The following MTSS1 variants were observed in gnomAD, a reference collection of about 807,000 sequenced individuals.
MTSS1 encodes the protein MTSS I-BAR domain containing 1.
Under a neutral mutation model 79.0 loss-of-function variants are expected in MTSS1, and 18 were observed. The ratio of observed to expected loss-of-function variants is 0.23; its 90% CI spans 0.16 to 0.34. MTSS1 has a LOEUF of 0.34. Among genes scored for constraint, MTSS1 ranks in the 10% least tolerant of loss-of-function variants. MTSS1 has a pLI of 1.00. For synonymous variants in MTSS1, 341 were observed against 368.6 expected (o/e 0.93, Z 0.86); for missense variants, 815 against 986.2 (o/e 0.83, Z 2.33).
chr8:124,724,481 C>A (rs942565699), intron 1 of MTSS1, among the ~76,000 whole-genome samples: 1 of 152,184 alleles, frequency 6.6e-6, no homozygotes. Context: ...ATTCTATACT[C>A]CTAACCTCGT....
chr8:124,552,935 C>CAA lies in MTSS1; in HGVS notation c.*55_*56dup. 1 of 1,541,256 alleles carries CAA rather than the reference C, an allele frequency of 6.5e-7. No homozygotes were observed. The highest frequency in any genetic ancestry group is 8.9e-7 in the Non-Finnish European group (1 of 1,128,840). ...TATTATAGAGTGGAATGGATCAAGACAAATTAGGTTTTATTAATGAAACAG... is the reference window on the plus strand; with the variant it reads ...TATTATAGAGTGGAATGGATCAAGACAAAAATTAGGTTTTATTAATGAAACAG... On this transcript the variant is annotated 3_prime_UTR_variant, in exon 14 of 14. Transcript: ENST00000518547.
chr8:124,561,206 C>T (rs900625565), intron 10 of MTSS1, among the ~76,000 whole-genome samples: 19 of 152,154 alleles, frequency 1.2e-4, no homozygotes, highest in African/African-American at 4.6e-4. Context: ...CCGAGGTGGG[C>T]GGATCACCTG....
chr8:124,581,580 C>T (rs1417049522), intron 6 of MTSS1, among the ~76,000 whole-genome samples: 3 of 151,798 alleles, frequency 2.0e-5, no homozygotes, highest in African/African-American at 7.3e-5. Flanking sequence ...CTCAGCCTCC[C>T]GAGTAGCTGG....
At chr8:124,559,067 G>A (rs148695742) in intron 10 of MTSS1, among the ~76,000 whole-genome samples, 135 of 152,266 alleles carry the variant, frequency 8.9e-4, no homozygotes, top group Non-Finnish European at 1.6e-3. Flanking sequence ...AGAAGCGTGC[G>A]ACCCGGCCAG....
At chr8:124,568,688 G>T (rs766117979) in intron 6 of MTSS1, 152 bp from the exon 7 acceptor site, 1 of 1,468,578 alleles carries the variant, frequency 6.8e-7, no homozygotes. Flanking sequence ...ATTTAAGGCA[G>T]CTGTTTTTCT....
chr8:124,623,872 G>A (rs1173893496), intron 3 of MTSS1, among the ~76,000 whole-genome samples: 1 of 152,212 alleles, frequency 6.6e-6, no homozygotes. Context: ...TCAAACTCCT[G>A]ACCTCCGGTG....
chr8:124,568,064 G>T, intron 7 of MTSS1: 1 of 953,932 alleles, frequency 1.0e-6, no homozygotes, highest in African/African-American at 1.7e-5. Flanking sequence ...GTCTGGGTTG[G>T]GCCCAAGAAC....
chr8:124,561,443 G>A (rs7835397), intron 10 of MTSS1, among the ~76,000 whole-genome samples: 63,937 of 151,894 alleles, frequency 0.42, 15,601 homozygotes, highest in Non-Finnish European at 0.56. Context: ...AAAACAAAAA[G>A]CTACCCTAGA....
chr8:124,724,748 TG>T (rs1348581073), intron 1 of MTSS1, among the ~76,000 whole-genome samples: 1 of 152,168 alleles, frequency 6.6e-6, no homozygotes, highest in Non-Finnish European at 1.5e-5. Flanking sequence ...ACAAAGCTGC[TG>T]TTTGAGACAT....
chr8:124,568,593 T>A (rs1445861167), intron 6 of MTSS1, 57 bp from the exon 7 acceptor site: 1 of 1,609,738 alleles, frequency 6.2e-7, no homozygotes, highest in Non-Finnish European at 8.5e-7. Context: ...CTGGAACAAG[T>A]GCCCCTCCTC....
intron 5 of MTSS1, among the ~76,000 whole-genome samples, chr8:124,589,223 G>T (rs183625999): frequency 3.1e-4 from 47 of 151,752 alleles, no homozygotes; most frequent in African/African-American, 1.0e-3. Context: ...TAGAGATGGG[G>T]TTTCAACATG....
chr8:124,596,052 G>C (rs1259754459), intron 3 of MTSS1, among the ~76,000 whole-genome samples: 8 of 152,150 alleles, frequency 5.3e-5, no homozygotes, highest in African/African-American at 1.9e-4. Context: ...TATGGCCATG[G>C]GGACACCTGC....
At chr8:124,596,591 A>T (rs1832806910) in intron 3 of MTSS1, among the ~76,000 whole-genome samples, 1 of 152,322 alleles carries the variant, frequency 6.6e-6, no homozygotes. Context: ...ACAAGCGTCC[A>T]CTGAGTATTT....
At chr8:124,684,595 C>A (rs2135061684) in intron 3 of MTSS1, among the ~76,000 whole-genome samples, 1 of 152,298 alleles carries the variant, frequency 6.6e-6, no homozygotes, top group South Asian at 2.1e-4. Flanking sequence ...ATATATTTGA[C>A]CTGCTACATG....
At position 124,613,790 on chromosome 8, in the gene MTSS1, G is replaced by A. The variant is rs907117492; in HGVS notation, c.209-22555C>T. 6.6e-5 allele frequency among the ~76,000 whole-genome samples: 10 copies of A among 152,348 alleles called. No individual in the cohort carries two copies. In the South Asian group the frequency reaches 1.7e-3, roughly 25 times the overall value. ...GAGTCATGGCACTGCCTGCTCTGCT[G>A]CCCCATCCCTTTCTTTCCTTTTGTT... is the stretch of plus-strand genomic sequence containing the variant. On this transcript the variant is annotated intron_variant, in intron 3 of 13. Coordinates refer to ENST00000518547, the MANE Select transcript of MTSS1 (RefSeq NM_014751.6).
At chr8:124,707,280 C>A (rs963330821) in intron 1 of MTSS1, among the ~76,000 whole-genome samples, 1 of 151,716 alleles carries the variant, frequency 6.6e-6, no homozygotes, top group South Asian at 2.1e-4. Context: ...GGGGCAGTGG[C>A]TCACACCTGT....
chr8:124,585,270 C>T (rs1830661490), intron 5 of MTSS1, 109 bp from the exon 6 acceptor site: 1 of 764,368 alleles, frequency 1.3e-6, no homozygotes, highest in Non-Finnish European at 2.2e-6. Context: ...CTGTGACATG[C>T]CGTCAATGGC....
intron 10 of MTSS1, 134 bp downstream of exon 10, chr8:124,562,648 G>A: frequency 2.3e-6 from 2 of 862,910 alleles, no homozygotes; most frequent in Non-Finnish European, 3.6e-6. Context: ...CTAAAGATGA[G>A]AAATTAAACC....
intron 1 of MTSS1, among the ~76,000 whole-genome samples, chr8:124,718,615 C>T (rs1305478969): frequency 1.3e-5 from 2 of 152,166 alleles, no homozygotes; most frequent in Admixed American, 6.5e-5. Flanking sequence ...GCTGCGTGCT[C>T]GGCTGCAGGA....
Sources: gnomAD v4.1 joint callset for allele counts (sites outside exome capture counted in the v4.1 genomes callset) on GRCh38, gnomAD v4.1.1 for gene constraint, MANE v1.5 for transcripts, NCBI Gene and HGNC (gene_info 2026-07-23, HGNC 2026-07-21) for gene names.